The following IMMP2L variants were observed in gnomAD, a reference collection of about 807,000 sequenced individuals.
IMMP2L encodes the protein mitochondrial inner membrane protease subunit 2.
A neutral mutation model predicts 19.3 loss-of-function variants in IMMP2L; 18 were observed. That is an observed-to-expected ratio of 0.93 (90% CI 0.64 to 1.38). The LOEUF (loss-of-function observed/expected upper bound fraction) is 1.38, where lower values mean the gene tolerates loss of function less well. Ranked by LOEUF, IMMP2L falls within the 40% of genes most tolerant of loss-of-function variation. The pLI is 0.00. For missense variants in IMMP2L, 233 were observed against 218.2 expected, an observed-to-expected ratio of 1.07 and a Z score of -0.43; for synonymous variants, 76 against 73.0, an observed-to-expected ratio of 1.04 and a Z score of -0.21.
chr7:111,358,331 C>T (rs1001627833), intron 3 of IMMP2L, among the ~76,000 whole-genome samples: 7 of 151,360 alleles, frequency 4.6e-5, no homozygotes, highest in African/African-American at 1.7e-4. Flanking sequence ...CTTAGGCAAC[C>T]CCGAAACGTT....
chr7:111,241,468 G>T (rs1015891170), intron 3 of IMMP2L, among the ~76,000 whole-genome samples: 1 of 151,836 alleles, frequency 6.6e-6, no homozygotes, highest in African/African-American at 2.4e-5. Context: ...TGGCTCTAGA[G>T]CTTACAAAAA....
chr7:111,387,955 A>G (rs1217674008), intron 3 of IMMP2L, among the ~76,000 whole-genome samples: 1 of 146,950 alleles, frequency 6.8e-6, no homozygotes, highest in Non-Finnish European at 1.5e-5. Context: ...CAGCCTGGAG[A>G]CAGAGCAAGA....
intron 3 of IMMP2L, among the ~76,000 whole-genome samples, chr7:111,210,679 A>G (rs561029803): frequency 3.9e-5 from 6 of 152,276 alleles, no homozygotes; most frequent in African/African-American, 1.2e-4. Flanking sequence ...ATTCTTAATC[A>G]TAAGACTGCC....
intron 3 of IMMP2L, among the ~76,000 whole-genome samples, chr7:111,006,365 T>C (rs532880939): frequency 3.3e-5 from 5 of 152,294 alleles, no homozygotes; most frequent in South Asian, 2.1e-4. Flanking sequence ...TTGGCCTCTG[T>C]ATTTTATAAT....
intron 3 of IMMP2L, among the ~76,000 whole-genome samples, chr7:111,100,236 C>T (rs933959198): frequency 1.3e-5 from 2 of 151,468 alleles, no homozygotes; most frequent in Non-Finnish European, 3.0e-5. Context: ...ATCACCCAAG[C>T]AGTGTACACT....
chr7:111,320,099 C>G (rs186340783), intron 3 of IMMP2L, among the ~76,000 whole-genome samples: 1 of 152,086 alleles, frequency 6.6e-6, no homozygotes, highest in African/African-American at 2.4e-5. Flanking sequence ...AGTCATTGAT[C>G]CCCAGCCATA....
At chr7:110,682,581 T>C (rs534381872) in intron 5 of IMMP2L, among the ~76,000 whole-genome samples, 2 of 152,224 alleles carry the variant, frequency 1.3e-5, no homozygotes, top group African/African-American at 2.4e-5. Context: ...GGGATGATCA[T>C]TGCTTCTCAC....
chr7:111,064,877 G>T (rs1794351703), intron 3 of IMMP2L, among the ~76,000 whole-genome samples: 1 of 152,108 alleles, frequency 6.6e-6, no homozygotes, highest in South Asian at 2.1e-4. Flanking sequence ...GATCAATTAG[G>T]GCATCACTTA....
At chr7:110,894,099 C>T (rs976997628) in intron 4 of IMMP2L, among the ~76,000 whole-genome samples, 1 of 152,110 alleles carries the variant, frequency 6.6e-6, no homozygotes, top group Non-Finnish European at 1.5e-5. Flanking sequence ...ACAGGTAAGA[C>T]ATCCGAAGAC....
rs1247858023 is a variant in IMMP2L, at chr7:111,423,066, G to A, written c.239+64172C>T. On this transcript the variant is annotated intron_variant, in intron 3 of 5. Transcript: ENST00000405709. ...ACCAGCCTTGCATCCCAGGGATGAA[G>A]CCCACTTGATCATGGTGGATAAGCT... Among the ~76,000 whole-genome samples the A allele has an allele frequency of 2.6e-5, 4 of 151,956 alleles. No individual in the cohort carries two copies. In the East Asian group the frequency reaches 7.7e-4, roughly 29 times the overall value.
chr7:111,415,412 A>C (rs1459462888), intron 3 of IMMP2L, among the ~76,000 whole-genome samples: 2 of 151,704 alleles, frequency 1.3e-5, no homozygotes, highest in African/African-American at 4.9e-5. Context: ...CTATGCCCAG[A>C]CTTTTGCCCT....
chr7:111,555,782 T>C (rs1258027772), intron 1 of IMMP2L, among the ~76,000 whole-genome samples: 2 of 151,744 alleles, frequency 1.3e-5, no homozygotes, highest in African/African-American at 2.4e-5. Flanking sequence ...TGCAGTTTGA[T>C]TTTCTGTTGT....
intron 5 of IMMP2L, among the ~76,000 whole-genome samples, chr7:110,797,219 AATT>A (rs1460043385): frequency 6.6e-6 from 1 of 152,010 alleles, no homozygotes; most frequent in Non-Finnish European, 1.5e-5. Context: ...ATGAAATTTA[AATT>A]ATTATTACCT....
intron 3 of IMMP2L, among the ~76,000 whole-genome samples, chr7:111,480,292 G>A (rs925053425): frequency 4.6e-5 from 7 of 151,682 alleles, no homozygotes; most frequent in Admixed American, 4.6e-4. Flanking sequence ...ACCGTAGCCA[G>A]GATGGTCTCC....
chr7:110,706,958 T>C (rs554594276), intron 5 of IMMP2L, among the ~76,000 whole-genome samples: 3 of 151,724 alleles, frequency 2.0e-5, no homozygotes, highest in Admixed American at 1.3e-4. Context: ...GGCTTTCTTC[T>C]AGGATTTTTA....
In IMMP2L at chr7:111,437,771, T is replaced by G. The variant is rs980357604; in HGVS notation, c.239+49467A>C. On this transcript the variant is annotated intron_variant, in intron 3 of 5. Coordinates refer to ENST00000405709, the MANE Select transcript of IMMP2L (RefSeq NM_032549.4). ...CTGGAATGTAAACTCCTTAAGAAATTTTTTTATCTTGTTCAAAACCCAGAG... is the reference window on the plus strand; with the variant it reads ...CTGGAATGTAAACTCCTTAAGAAATGTTTTTATCTTGTTCAAAACCCAGAG... Among the ~76,000 whole-genome samples, 4 of 151,872 alleles carry G rather than the reference T, an allele frequency of 2.6e-5. No individual in the cohort carries two copies. In the East Asian group the frequency reaches 5.8e-4, roughly 22 times the overall value.
At chr7:111,482,104 C>A (rs1842242510) in intron 3 of IMMP2L, among the ~76,000 whole-genome samples, 1 of 152,026 alleles carries the variant, frequency 6.6e-6, no homozygotes, top group Non-Finnish European at 1.5e-5. Flanking sequence ...TGAATATATC[C>A]AAATTATTAT....
At chr7:110,664,098 C>T (rs1263497146) in intron 5 of IMMP2L, among the ~76,000 whole-genome samples, 1 of 152,072 alleles carries the variant, frequency 6.6e-6, no homozygotes, top group Non-Finnish European at 1.5e-5. Context: ...GACTCGAGTC[C>T]ACCATCTTAA....
chr7:110,679,649 A>G (rs956716449), intron 5 of IMMP2L, among the ~76,000 whole-genome samples: 1 of 151,912 alleles, frequency 6.6e-6, no homozygotes, highest in African/African-American at 2.4e-5. Context: ...TGCTGTGGTG[A>G]ATGCAGCTAT....
Sources: allele counts gnomAD v4.1 joint callset (sites outside exome capture counted in the v4.1 genomes callset), GRCh38; gene constraint gnomAD v4.1.1; transcripts MANE v1.5; gene names NCBI Gene and HGNC (gene_info 2026-07-23, HGNC 2026-07-21).